Variants in KCNT2 observed in about 807,000 individuals in gnomAD.
KCNT2 encodes potassium channel subfamily T member 2.
Under a neutral mutation model 153.8 loss-of-function variants are expected in KCNT2, and 67 were observed. The ratio of observed to expected loss-of-function variants is 0.44; its 90% confidence interval spans 0.36 to 0.53. KCNT2 has a LOEUF of 0.53. Ranked by LOEUF, KCNT2 falls within the 20% of genes least tolerant of loss-of-function variation. The probability of loss-of-function intolerance (pLI) is 0.00; values close to 1 mark genes in which losing one functional copy is unlikely to be tolerated. For missense variants in KCNT2, 975 were observed against 1,354.8 expected, an observed-to-expected ratio of 0.72 and a Z score of 4.40; for synonymous variants, 500 against 458.8, an observed-to-expected ratio of 1.09 and a Z score of -1.15.
intron 12 of KCNT2, among the ~76,000 whole-genome samples, chr1:196,415,131 T>C (rs1037116611): frequency 3.3e-5 from 5 of 151,906 alleles, no homozygotes; most frequent in Non-Finnish European, 5.9e-5. Context: ...CAAGCTCTCA[T>C]GTATTCACCA....
chr1:196,293,452 A>T, intron 22 of KCNT2, among the ~76,000 whole-genome samples: 1 of 152,234 alleles, frequency 6.6e-6, no homozygotes, highest in East Asian at 1.9e-4. Context: ...AAAAGCAGAC[A>T]GGAAGATTGA....
chr1:196,326,783 A>G lies in KCNT2; in HGVS notation c.2210T>C (p.Val737Ala). The G allele has an allele frequency of 6.3e-7, 1 of 1,583,550 alleles. No individual in the cohort carries two copies. The highest frequency in any genetic ancestry group is 8.6e-7 in the Non-Finnish European group (1 of 1,166,800). The change falls in exon 19 of 28, where the codon GTT becomes GCT. Residue 737 changes from valine to alanine, a missense_variant. Val to Ala is a moderately conservative substitution (Grantham distance 64, BLOSUM62 0). Coordinates refer to ENST00000294725, the MANE Select transcript of KCNT2 (RefSeq NM_198503.5). ...TAGNGLYNFI[V>A]PLRAYYRPKK... ...TGGTCTATAATATGCCCTGAGAGGA[A>G]CAATAAAGTTATATAATCCATTTCC...
At chr1:196,425,812 CAAAACTGT>C (rs759240140) in intron 11 of KCNT2, 32 bp downstream of exon 11, 152 of 1,604,404 alleles carry the variant, frequency 9.5e-5, no homozygotes, top group Non-Finnish European at 1.3e-4. Context: ...TTAAGTCACT[CAAAACTGT>C]AAGCTGCAAG....
chr1:196,471,159 G>C (rs962773530), intron 5 of KCNT2, among the ~76,000 whole-genome samples: 2 of 151,366 alleles, frequency 1.3e-5, no homozygotes, highest in Non-Finnish European at 2.9e-5. Context: ...CGCCCGCCTC[G>C]GCCTCCCAAA....
chr1:196,570,067 TAA>T (rs199836975), intron 1 of KCNT2, among the ~76,000 whole-genome samples: 189 of 133,624 alleles, frequency 1.4e-3, no homozygotes, highest in African/African-American at 6.6e-3. Flanking sequence ...TGAGCTAGAG[TAA>T]AAAAAAAAAA....
chr1:196,325,190 T>C (rs1663718642), intron 19 of KCNT2, among the ~76,000 whole-genome samples: 1 of 152,126 alleles, frequency 6.6e-6, no homozygotes, highest in African/African-American at 2.4e-5. Flanking sequence ...CTTGAAATTA[T>C]GTGAAGAGGA....
At chr1:196,591,731 T>A (rs541488698) in intron 1 of KCNT2, among the ~76,000 whole-genome samples, 1 of 152,296 alleles carries the variant, frequency 6.6e-6, no homozygotes, top group Non-Finnish European at 1.5e-5. Flanking sequence ...CTTCAAGTAC[T>A]TCTTATGCAT....
At chr1:196,420,003 A>T (rs1444342453) in intron 12 of KCNT2, among the ~76,000 whole-genome samples, 3 of 151,942 alleles carry the variant, frequency 2.0e-5, no homozygotes, top group Non-Finnish European at 2.9e-5. Context: ...CCTTTCTTAA[A>T]TTCCTACTAT....
chr1:196,535,994 C>A (rs1288122306), intron 1 of KCNT2, among the ~76,000 whole-genome samples: 1 of 152,230 alleles, frequency 6.6e-6, no homozygotes, highest in Non-Finnish European at 1.5e-5. Flanking sequence ...ACTCCACCCC[C>A]TAAGCTGAGG....
chr1:196,320,713 G>GA (rs769007349), intron 19 of KCNT2, among the ~76,000 whole-genome samples: 12,756 of 133,948 alleles, frequency 0.095, 646 homozygotes, highest in African/African-American at 0.15. Flanking sequence ...AACATTTAAA[G>GA]AAAAAAAAAA....
chr1:196,244,130 C>T (rs1571772359), intron 26 of KCNT2, among the ~76,000 whole-genome samples: 1 of 152,202 alleles, frequency 6.6e-6, no homozygotes, highest in Non-Finnish European at 1.5e-5. Context: ...AGGATTCAGT[C>T]CTGGCAGCAT....
intron 14 of KCNT2, among the ~76,000 whole-genome samples, chr1:196,343,643 A>G (rs1438897242): frequency 6.6e-6 from 1 of 152,152 alleles, no homozygotes. Context: ...TATATTTTCT[A>G]AGTATGCCTC....
intron 1 of KCNT2, among the ~76,000 whole-genome samples, chr1:196,560,223 A>G (rs1011211862): frequency 6.6e-6 from 1 of 151,852 alleles, no homozygotes; most frequent in Non-Finnish European, 1.5e-5. Flanking sequence ...AGCCCTTAAT[A>G]AAAGGAATGT....
At chr1:196,451,217 C>CTATTTTTTTT (rs1676135727) in intron 8 of KCNT2, among the ~76,000 whole-genome samples, 2 of 63,552 alleles carry the variant, frequency 3.1e-5, no homozygotes, top group African/African-American at 9.4e-5. Flanking sequence ...ATCCCTCTTT[C>CTATTTTTTTT]TTTTTTTTTT....
chr1:196,536,902 A>G (rs1325659243), intron 1 of KCNT2, among the ~76,000 whole-genome samples: 1 of 152,178 alleles, frequency 6.6e-6, no homozygotes, highest in Non-Finnish European at 1.5e-5. Flanking sequence ...CCACACTCTC[A>G]TGAGCCTGAA....
intron 14 of KCNT2, among the ~76,000 whole-genome samples, chr1:196,347,310 T>C (rs1162708417): frequency 6.6e-6 from 1 of 152,204 alleles, no homozygotes; most frequent in African/African-American, 2.4e-5. Context: ...TCTTACTTTT[T>C]ATATCTGGGT....
intron 25 of KCNT2, among the ~76,000 whole-genome samples, chr1:196,278,101 C>A (rs1658751023): frequency 6.6e-6 from 1 of 151,972 alleles, no homozygotes; most frequent in Admixed American, 6.6e-5. Context: ...AAAAACAAAT[C>A]TTTTGCAAGA....
chr1:196,599,270 A>C lies in KCNT2; in HGVS notation c.95+8945T>G, dbSNP rs75733609. On this transcript the variant is annotated intron_variant, in intron 1 of 27. Coordinates refer to ENST00000294725, the MANE Select transcript of KCNT2 (RefSeq NM_198503.5). Reference sequence around the variant, plus strand: ...GTGGACAATCTACAAGTTTTCCCACAGGGAGTTAAATGAGGTTGAAATGTG... The same window carrying C: ...GTGGACAATCTACAAGTTTTCCCACCGGGAGTTAAATGAGGTTGAAATGTG... Among the ~76,000 whole-genome samples, 1,148 of 152,362 alleles carry C rather than the reference A, an allele frequency of 7.5e-3. 17 individuals are homozygous for C. The highest frequency in any genetic ancestry group is 0.026 in the African/African-American group (1,075 of 41,584).
rs1016535479 is a variant in KCNT2, at chr1:196,573,946, AG to A, written c.95+34268del. ...TAGTGTCAGATACTTAGTTTCTTGAAGGGGGAGAGAGAGAGAGAGAATGAGA... is the reference window on the plus strand; with the variant it reads ...TAGTGTCAGATACTTAGTTTCTTGAAGGGGAGAGAGAGAGAGAGAATGAGA... On this transcript the variant is annotated intron_variant, in intron 1 of 27. Transcript: ENST00000294725. Among the ~76,000 whole-genome samples the A allele has an allele frequency of 2.6e-5, 4 of 151,960 alleles. 1 individual carries two copies. Among genetic ancestry groups the A allele is most frequent in the African/African-American group, 9.6e-5 (4 of 41,506 alleles).
Sources: allele counts gnomAD v4.1 joint callset (sites outside exome capture counted in the v4.1 genomes callset), GRCh38; gene constraint gnomAD v4.1.1; transcripts MANE v1.5; gene names NCBI Gene and HGNC (gene_info 2026-07-23, HGNC 2026-07-21).